Variants in GRIK1 observed in about 807,000 individuals in gnomAD.
GRIK1 encodes the protein glutamate receptor ionotropic, kainate 1.
Under a neutral mutation model 105.7 loss-of-function variants are expected in GRIK1, and 69 were observed. The ratio of observed to expected loss-of-function variants is 0.65; its 90% CI spans 0.54 to 0.80. The LOEUF (loss-of-function observed/expected upper bound fraction) is 0.80, where lower values mean the gene tolerates loss of function less well. Among genes scored for constraint, GRIK1 ranks in the 30% least tolerant of loss-of-function variants. The pLI is 0.00. For synonymous variants in GRIK1, 438 were observed against 431.3 expected (o/e 1.02, Z -0.19); for missense variants, 1,109 against 1,167.3 (o/e 0.95, Z 0.73).
chr21:29,824,455 A>T (rs1601789070), intron 1 of GRIK1, among the ~76,000 whole-genome samples: 2 of 152,164 alleles, frequency 1.3e-5, no homozygotes, highest in East Asian at 1.9e-4. Flanking sequence ...ATATAAAAAA[A>T]GTCAGATGGT....
In GRIK1 at chr21:29,630,039, A is replaced by G. The variant is rs533668456; in HGVS notation, c.1098+12787T>C. On this transcript the variant is annotated intron_variant, in intron 7 of 17. Coordinates refer to ENST00000327783, the MANE Select transcript of GRIK1 (RefSeq NM_001330994.2). ...CATCGGGAAAGAGAAGGCACACTAT[A>G]GTACTGACACAGCATTAGACTTTTC... 5.3e-5 allele frequency among the ~76,000 whole-genome samples: 8 copies of G among 152,290 alleles called. 1 individual carries two copies. The South Asian group carries it at 1.4e-3, about 28-fold the overall frequency.
chr21:29,752,179 C>A (rs954355052), intron 1 of GRIK1, among the ~76,000 whole-genome samples: 1 of 152,170 alleles, frequency 6.6e-6, no homozygotes, highest in Non-Finnish European at 1.5e-5. Context: ...GGACTTTTAA[C>A]GCTTCTGTAG....
rs950676980 is a variant in GRIK1, at chr21:29,851,612, G to C, written c.118+87771C>G. Among the ~76,000 whole-genome samples the C allele has an allele frequency of 2.0e-5, 3 of 152,146 alleles. No individual in the cohort carries two copies. The East Asian group carries it at 5.8e-4, about 29-fold the overall frequency. On this transcript the variant is annotated intron_variant, in intron 1 of 17. Transcript: ENST00000327783. ...CCTGGTTCTGACTCCTACCAGCTGT[G>C]TGATCACAGTTCCTCTTCTGCAAAA...
intron 1 of GRIK1, among the ~76,000 whole-genome samples, chr21:29,709,278 CTTTTTTTTT>C (rs35378548): frequency 7.8e-6 from 1 of 127,906 alleles, no homozygotes; most frequent in Admixed American, 8.0e-5. Context: ...TACTCTTCTT[CTTTTTTTTT>C]TTTTTTTTTT....
intron 1 of GRIK1, among the ~76,000 whole-genome samples, chr21:29,720,679 T>C (rs947439855): frequency 3.3e-5 from 5 of 152,144 alleles, no homozygotes; most frequent in African/African-American, 1.2e-4. Context: ...TGGAACACTC[T>C]TACTCAGCTT....
rs138958892 is a variant in GRIK1 at position 29,546,725 on chromosome 21, A to G, written c.2607+8327T>C. On this transcript the variant is annotated intron_variant, in intron 16 of 17. Coordinates refer to ENST00000327783, the MANE Select transcript of GRIK1 (RefSeq NM_001330994.2). ...TATAGATAAACTTTTTTGAATTATA[A>G]CAACTTACATATTCAATGAAACATC... 2.1e-3 allele frequency among the ~76,000 whole-genome samples: 320 copies of G among 152,366 alleles called. 1 individual carries two copies. The highest frequency in any genetic ancestry group is 7.4e-3 in the African/African-American group (306 of 41,588).
chr21:29,642,362 C>G (rs993874648), intron 7 of GRIK1, among the ~76,000 whole-genome samples: 4 of 152,184 alleles, frequency 2.6e-5, no homozygotes, highest in African/African-American at 9.7e-5. Context: ...TGATAAATGA[C>G]AAAATAGTCA....
At chr21:29,883,735 A>G (rs766254496) in intron 1 of GRIK1, among the ~76,000 whole-genome samples, 1 of 152,034 alleles carries the variant, frequency 6.6e-6, no homozygotes. Context: ...TAAAATTTAA[A>G]AATATTTATG....
chr21:29,882,540 T>C (rs2069457625), intron 1 of GRIK1, among the ~76,000 whole-genome samples: 1 of 152,074 alleles, frequency 6.6e-6, no homozygotes, highest in African/African-American at 2.4e-5. Context: ...GACACTCCAA[T>C]GTGTGGTTTG....
At chr21:29,554,937 C>T (rs1047805240) in intron 16 of GRIK1, 115 bp downstream of exon 16, 24 of 854,844 alleles carry the variant, frequency 2.8e-5, no homozygotes, top group East Asian at 2.3e-4. Context: ...AAAAATGGCT[C>T]TTCTGGGCAT....
chr21:29,811,197 A>G (rs924498042), intron 1 of GRIK1, among the ~76,000 whole-genome samples: 3 of 152,108 alleles, frequency 2.0e-5, no homozygotes, highest in Non-Finnish European at 2.9e-5. Context: ...CCTTAGTTTC[A>G]TGGAGGGGAA....
chr21:29,883,845 G>T (rs1481238798), intron 1 of GRIK1, among the ~76,000 whole-genome samples: 1 of 152,020 alleles, frequency 6.6e-6, no homozygotes, highest in African/African-American at 2.4e-5. Flanking sequence ...ATATTCTGCA[G>T]TGAATACCAG....
At chr21:29,781,537 C>T (rs975577837) in intron 1 of GRIK1, among the ~76,000 whole-genome samples, 6 of 150,320 alleles carry the variant, frequency 4.0e-5, no homozygotes, top group African/African-American at 1.5e-4. Context: ...CTTTAAATGT[C>T]TATAGTTGTT....
intron 3 of GRIK1, among the ~76,000 whole-genome samples, chr21:29,675,738 C>T (rs1302534058): frequency 6.6e-6 from 1 of 152,118 alleles, no homozygotes; most frequent in Non-Finnish European, 1.5e-5. Flanking sequence ...TCAATTACCA[C>T]TTAATTTTAC....
intron 16 of GRIK1, among the ~76,000 whole-genome samples, chr21:29,540,514 C>T (rs78204108): frequency 5.1e-4 from 78 of 152,268 alleles, no homozygotes; most frequent in East Asian, 1.4e-3. Flanking sequence ...GAGTAAACCA[C>T]ACATTCTTGG....
At chr21:29,603,064 A>G (rs184422944) in intron 7 of GRIK1, among the ~76,000 whole-genome samples, 2 of 152,298 alleles carry the variant, frequency 1.3e-5, no homozygotes, top group East Asian at 3.9e-4. Flanking sequence ...ACCTTTAAAT[A>G]TTAATGAAAA....
intron 12 of GRIK1, among the ~76,000 whole-genome samples, chr21:29,583,700 C>A (rs2091070973): frequency 6.6e-6 from 1 of 152,180 alleles, no homozygotes; most frequent in Admixed American, 6.5e-5. Flanking sequence ...TTAGGTCTTT[C>A]TCTCTGGGAT....
chr21:29,811,198 T>A (rs2067000754), intron 1 of GRIK1, among the ~76,000 whole-genome samples: 1 of 152,216 alleles, frequency 6.6e-6, no homozygotes, highest in African/African-American at 2.4e-5. Flanking sequence ...CTTAGTTTCA[T>A]GGAGGGGAAG....
intron 16 of GRIK1, among the ~76,000 whole-genome samples, chr21:29,552,166 G>A (rs2090145860): frequency 6.6e-6 from 1 of 152,084 alleles, no homozygotes; most frequent in Non-Finnish European, 1.5e-5. Flanking sequence ...CAAAGAGAAG[G>A]TAAAATGCTG....
Sources: allele counts gnomAD v4.1 joint callset (sites outside exome capture counted in the v4.1 genomes callset), GRCh38; gene constraint gnomAD v4.1.1; transcripts MANE v1.5; gene names NCBI Gene and HGNC (gene_info 2026-07-23, HGNC 2026-07-21).